Variants in PIN4 observed in about 807,000 individuals in gnomAD.
PIN4 encodes the protein peptidylprolyl cis/trans isomerase, NIMA-interacting 4, also known as peptidyl-prolyl cis-trans isomerase NIMA-interacting 4.
Under a neutral mutation model 8.3 loss-of-function variants are expected in PIN4, and 3 were observed. The observed-to-expected ratio is 0.36, with a 90% CI of 0.16 to 0.93. The LOEUF (loss-of-function observed/expected upper bound fraction) is 0.93. PIN4 is among the 40% of genes least tolerant of loss of function. PIN4 has a pLI of 0.44. For synonymous variants in PIN4, 18 were observed against 32.5 expected, an observed-to-expected ratio of 0.55 and a Z score of 1.52; for missense variants, 75 against 100.6, an observed-to-expected ratio of 0.75 and a Z score of 1.09.
chrX:72,248,665 T>G (rs2043076382), intron 3 of PIN4, among the ~76,000 whole-genome samples: 2 of 111,822 alleles, frequency 1.8e-5, no homozygotes, highest in Non-Finnish European at 3.8e-5. Context: ...TCACCTGAGG[T>G]CAGGAGTTCA....
chrX:72,210,220 A>AATAC (rs1454283379), intron 3 of PIN4, among the ~76,000 whole-genome samples: 1 of 107,180 alleles, frequency 9.3e-6, no homozygotes, highest in Non-Finnish European at 1.9e-5. Context: ...TAAATAAATA[A>AATAC]ATAAATAAAT....
intron 3 of PIN4, chrX:72,205,241 C>A (rs201603911): frequency 8.3e-7 from 1 of 1,209,844 alleles, no homozygotes; most frequent in African/African-American, 1.7e-5. Flanking sequence ...GGCTCAGGGG[C>A]ACCAAGAGAG....
intron 3 of PIN4, among the ~76,000 whole-genome samples, chrX:72,216,744 T>C (rs1481597289): frequency 2.7e-5 from 3 of 111,411 alleles, no homozygotes; most frequent in East Asian, 2.8e-4. Flanking sequence ...TAAAGGTCTA[T>C]ACCCATTGTA....
chrX:72,254,152 T>C (rs772496281), intron 3 of PIN4, among the ~76,000 whole-genome samples: 7 of 111,878 alleles, frequency 6.3e-5, no homozygotes, highest in Non-Finnish European at 1.1e-4. Context: ...CAGGTCCCTG[T>C]GTGATTTCCA....
intron 3 of PIN4, chrX:72,238,975 G>A: frequency 9.6e-7 from 1 of 1,041,389 alleles, no homozygotes. Flanking sequence ...GGAGCTTGGA[G>A]CTTGGAGCTT....
chrX:72,238,093 G>T (rs751261903), intron 3 of PIN4: 1 of 111,670 alleles, frequency 9.0e-6, no homozygotes, highest in Admixed American at 9.6e-5. Context: ...GATGACGGAC[G>T]GCTGCACAAC....
At chrX:72,259,307 C>T (rs1310483878) in intron 3 of PIN4, among the ~76,000 whole-genome samples, 1 of 107,863 alleles carries the variant, frequency 9.3e-6, no homozygotes, top group African/African-American at 3.4e-5. Flanking sequence ...CAACCTCTGC[C>T]TCCCAGGTTC....
At chrX:72,185,160 A>AAAAAAAAAAAC (rs1556391316) in intron 1 of PIN4, among the ~76,000 whole-genome samples, 4 of 104,293 alleles carry the variant, frequency 3.8e-5, no homozygotes, top group East Asian at 2.9e-4. Context: ...AAAAAAAAAA[A>AAAAAAAAAAAC]AAAAAACAAC....
intron 2 of PIN4, among the ~76,000 whole-genome samples, chrX:72,186,828 G>A (rs1010028366): frequency 1.8e-5 from 2 of 111,327 alleles, no homozygotes; most frequent in African/African-American, 6.5e-5. Flanking sequence ...GCTGAGGCAC[G>A]AGAATCAAGA....
At chrX:72,199,516 C>CT (rs1297592837), downstream of PIN4, among the ~76,000 whole-genome samples, 2 of 111,294 alleles carry the variant, frequency 1.8e-5, no homozygotes, top group African/African-American at 6.5e-5. Flanking sequence ...CCAGCCTGGG[C>CT]GACAGAGCGA....
chrX:72,188,391 CTTG>C (rs1158171694), intron 2 of PIN4, among the ~76,000 whole-genome samples: 9 of 110,995 alleles, frequency 8.1e-5, no homozygotes, highest in Middle Eastern at 9.3e-3. Context: ...GAGTTTCACT[CTTG>C]TTGTCCAGGC....
intron 2 of PIN4, among the ~76,000 whole-genome samples, chrX:72,196,424 T>G (rs2042765734): frequency 9.4e-6 from 1 of 105,853 alleles, no homozygotes; most frequent in Non-Finnish European, 2.0e-5. Flanking sequence ...AACCCAGCTA[T>G]TCAGGAGGCT....
intron 3 of PIN4, among the ~76,000 whole-genome samples, chrX:72,228,522 G>A (rs187248778): frequency 1.8e-5 from 2 of 111,507 alleles, no homozygotes; most frequent in African/African-American, 3.3e-5. Flanking sequence ...TGCCTCACCC[G>A]AATCTTGGAA....
chrX:72,182,534 C>A (rs1012925807), intron 1 of PIN4, among the ~76,000 whole-genome samples: 5 of 108,339 alleles, frequency 4.6e-5, no homozygotes, highest in Non-Finnish European at 9.6e-5. Context: ...ACAGAGCGAG[C>A]CTCTGTCTCA....
chrX:72,188,914 C>T (rs1312402762), intron 2 of PIN4, among the ~76,000 whole-genome samples: 3 of 112,062 alleles, frequency 2.7e-5, no homozygotes, highest in East Asian at 5.6e-4. Context: ...AGGAGTGGCA[C>T]GTTATTCACT....
At chrX:72,181,679 T>G, upstream of PIN4, 1 of 829,959 alleles carries the variant, frequency 1.2e-6, no homozygotes, top group Non-Finnish European at 1.8e-6. Context: ...AACGGTCAAT[T>G]GAGATGCGGC....
At chrX:72,241,369 T>C (rs755764621) in intron 3 of PIN4, among the ~76,000 whole-genome samples, 7 of 111,393 alleles carry the variant, frequency 6.3e-5, no homozygotes, top group Non-Finnish European at 1.1e-4. Flanking sequence ...TTTCCTACCA[T>C]GTAAGGACAC....
chrX:72,259,214 A>AC (rs1469106670), intron 3 of PIN4, among the ~76,000 whole-genome samples: 1 of 98,359 alleles, frequency 1.0e-5, no homozygotes, highest in Non-Finnish European at 2.0e-5. Flanking sequence ...AGAGTTTACT[A>AC]CTTTTTTTTT....
intron 3 of PIN4, among the ~76,000 whole-genome samples, chrX:72,260,385 G>A (rs1484569378): frequency 4.4e-5 from 5 of 112,613 alleles, no homozygotes; most frequent in Middle Eastern, 4.6e-3. Flanking sequence ...CTTCTCCTAT[G>A]GGAGCAAGCA....
Sources: gnomAD v4.1 joint callset for allele counts (sites outside exome capture counted in the v4.1 genomes callset) on GRCh38, gnomAD v4.1.1 for gene constraint, MANE v1.5 for transcripts, NCBI Gene and HGNC (gene_info 2026-07-23, HGNC 2026-07-21) for gene names.